AARS2: variants seen among roughly 807,000 people sequenced by gnomAD.
AARS2 encodes alanine--tRNA ligase, mitochondrial.
Under a neutral mutation model 119.7 loss-of-function variants are expected in AARS2, and 78 were observed. The observed-to-expected ratio is 0.65, with a 90% CI of 0.54 to 0.79. The LOEUF is 0.79. Ranked by LOEUF, AARS2 falls within the 30% of genes least tolerant of loss-of-function variation. The probability of loss-of-function intolerance (pLI) is 0.00; values close to 1 mark genes in which losing one functional copy is unlikely to be tolerated. For synonymous variants in AARS2, 502 were observed against 526.3 expected, an observed-to-expected ratio of 0.95 and a Z score of 0.63; for missense variants, 1,157 against 1,291.3, an observed-to-expected ratio of 0.90 and a Z score of 1.59.
In AARS2 at chr6:44,311,392, T is replaced by G; in HGVS notation, c.579A>C (p.Leu193Phe). 1 of 1,614,130 alleles carries G rather than the reference T, an allele frequency of 6.2e-7. No homozygotes were observed. The highest frequency in any genetic ancestry group is 1.1e-5 in the South Asian group (1 of 91,080). The change falls in exon 3 of 22, where the codon TTA (leucine) becomes TTC (phenylalanine). Residue 193 changes from leucine (L) to phenylalanine (F), a missense_variant and splice_region_variant. Coordinates refer to ENST00000244571, the MANE Select transcript of AARS2 (RefSeq NM_020745.4). ...ACATAAGAAGGGGGCTGACTTACCC[T>G]AAGCTCAGCCAGATGTCCCTGGTCT... is the stretch of plus-strand genomic sequence containing the variant. ...DLETRDIWLS[L>F]GVPASRVLSF...
intron 2 of AARS2, 23 bp from the exon 3 acceptor site, chr6:44,311,558 G>T (rs1561943551): frequency 6.2e-7 from 1 of 1,608,812 alleles, no homozygotes; most frequent in Non-Finnish European, 8.5e-7. Flanking sequence ...CCAGCATGGG[G>T]TGGGGGGGGA....
intron 5 of AARS2, among the ~76,000 whole-genome samples, chr6:44,309,579 C>T (rs1270534623): frequency 6.6e-6 from 1 of 152,194 alleles, no homozygotes; most frequent in Non-Finnish European, 1.5e-5. Context: ...ATAAGCTACA[C>T]ACATGTGGAA....
In AARS2 at chr6:44,305,598, G is replaced by C; in HGVS notation, c.1434+55C>G. 1 of 1,610,750 alleles carries C rather than the reference G, an allele frequency of 6.2e-7. No homozygotes were observed. The highest frequency in any genetic ancestry group is 8.5e-7 in the Non-Finnish European group (1 of 1,178,454). ...TCACAGCTCCTCCCCCAGGAGCTCAGGGCTGGGGAAGAGGTGTCCTAACAG... is the reference window on the plus strand; with the variant it reads ...TCACAGCTCCTCCCCCAGGAGCTCACGGCTGGGGAAGAGGTGTCCTAACAG... On this transcript the variant is annotated intron_variant, in intron 10 of 21. Coordinates refer to ENST00000244571, the MANE Select transcript of AARS2 (RefSeq NM_020745.4). The surrounding 1 kb of genome is among the most constrained non-coding windows in gnomAD (Gnocchi z 4.6).
intron 4 of AARS2, 116 bp from the exon 5 acceptor site, chr6:44,310,559 CCAGA>C: frequency 2.2e-6 from 3 of 1,368,198 alleles, no homozygotes; most frequent in Non-Finnish European, 3.0e-6. Context: ...GTGGGAGGAA[CCAGA>C]CAATCAGTAT....
At position 44,302,047 on chromosome 6, in the gene AARS2, A is replaced by T; in HGVS notation, c.2598+13T>A. ...GTCTCTGGGCACATGGGTGCAGCCA[A>T]ACCTCCTCTCACCTGTCCCATTTGC... is the stretch of plus-strand genomic sequence containing the variant. On this transcript the variant is annotated intron_variant, in intron 19 of 21. Coordinates refer to ENST00000244571, the MANE Select transcript of AARS2 (RefSeq NM_020745.4). 1 of 1,613,526 alleles carries T rather than the reference A, an allele frequency of 6.2e-7. No individual in the cohort carries two copies.
chr6:44,303,553 G>A, intron 14 of AARS2, 130 bp from the exon 15 acceptor site: 1 of 1,375,246 alleles, frequency 7.3e-7, no homozygotes, highest in Non-Finnish European at 1.0e-6. Context: ...GCACATAATA[G>A]GTGCTCAATA....
intron 19 of AARS2, 141 bp from the exon 20 acceptor site, chr6:44,301,605 G>A (rs1474663376): frequency 3.6e-6 from 3 of 822,674 alleles, no homozygotes; most frequent in South Asian, 2.9e-5. Flanking sequence ...AGGCAGAGGT[G>A]GCAGGGACTC....
At chr6:44,301,052 A>T in intron 21 of AARS2, 104 bp downstream of exon 21, 1 of 1,058,246 alleles carries the variant, frequency 9.4e-7, no homozygotes, top group Non-Finnish European at 1.4e-6. Context: ...AGATACTTCC[A>T]CCCAGCCTTG....
chr6:44,308,115 C>T (rs1330777634), intron 5 of AARS2, among the ~76,000 whole-genome samples: 1 of 152,232 alleles, frequency 6.6e-6, no homozygotes, highest in Non-Finnish European at 1.5e-5. Context: ...TCTACTTCCA[C>T]TGCTATTATC....
chr6:44,301,221 T>G lies in AARS2; in HGVS notation c.2728A>C (p.Thr910Pro). The change falls in exon 21 of 22, where the codon ACG becomes CCG. Residue 910 changes from threonine (T) to proline (P), a missense_variant. By Grantham distance (38) the Thr-to-Pro change is conservative (BLOSUM62 -1). Transcript: ENST00000244571. ...TGGGGGCTGAGTAGGAGCACAGACG[T>G]GCTGGGGGCCTGCTCACACAGCTGC... is the stretch of plus-strand genomic sequence containing the variant. The part of the protein sequence containing the change: ...VRQLCEQAPS[T>P]SVLLLSPQPM... 2 of 1,613,648 alleles carry G rather than the reference T, an allele frequency of 1.2e-6. No individual in the cohort carries two copies. Among genetic ancestry groups the G allele is most frequent in the Admixed American group, 1.7e-5 (1 of 59,956 alleles).
chr6:44,306,210 A>G, intron 9 of AARS2, 70 bp downstream of exon 9: 1 of 1,451,766 alleles, frequency 6.9e-7, no homozygotes, highest in Non-Finnish European at 9.7e-7. Context: ...GCTGGCCCAG[A>G]GCTCCCTCCT....
At position 44,303,170 on chromosome 6, in the gene AARS2, G is replaced by T. The variant is rs1286802666; in HGVS notation, c.2151C>A (p.Tyr717Ter). ...CTGATACCACCCGCACAGGGTCTGGGTAAACCTGAGGTCAAGAGGGGACAG... is the reference window on the plus strand; with the variant it reads ...CTGATACCACCCGCACAGGGTCTGGTTAAACCTGAGGTCAAGAGGGGACAG... Reference protein sequence around the residue: ...VPGLRSLDEVYPDPVRVVSVG... With the variant: ...VPGLRSLDEV Residue 717 changes from tyrosine to a stop codon, truncating the protein, a stop_gained, in exon 16 of 22, where the codon TAC (tyrosine) becomes TAA (stop). Coordinates refer to ENST00000244571, the MANE Select transcript of AARS2 (RefSeq NM_020745.4). LOFTEE classifies it high-confidence loss of function. 1 of 1,614,184 alleles carries T rather than the reference G, an allele frequency of 6.2e-7. No individual in the cohort carries two copies. Among genetic ancestry groups the T allele is most frequent in the African/African-American group, 1.3e-5 (1 of 75,064 alleles).
chr6:44,303,339 C>G lies in AARS2; in HGVS notation c.2092G>C (p.Glu698Gln). 6.2e-7 allele frequency: 1 copy of G among 1,614,064 alleles called. No homozygotes were observed. The highest frequency in any genetic ancestry group is 8.5e-7 in the Non-Finnish European group (1 of 1,180,032). The change falls in exon 15 of 22, where the codon GAG (glutamate) becomes CAG (glutamine). Residue 698 changes from glutamate (E) to glutamine (Q), a missense_variant. Glu to Gln is a conservative substitution (Grantham distance 29). Coordinates refer to ENST00000244571, the MANE Select transcript of AARS2 (RefSeq NM_020745.4). ...VGQDEAVYME[E>Q]VPLALTAQVP... The stretch of plus-strand genomic sequence containing the variant: ...TGGGCAGTGAGCGCCAGGGGCACCT[C>G]CTCCATGTACACAGCCTCATCCTGC...
At position 44,304,630 on chromosome 6, in the gene AARS2, G is replaced by A; in HGVS notation, c.1752+15C>T. 6.2e-7 allele frequency: 1 copy of A among 1,614,222 alleles called. No homozygotes were observed. Among genetic ancestry groups the A allele is most frequent in the Non-Finnish European group, 8.5e-7 (1 of 1,180,038 alleles). On this transcript the variant is annotated intron_variant, in intron 12 of 21. Transcript: ENST00000244571. The stretch of plus-strand genomic sequence containing the variant: ...CCGCCCACAGAAATCAGCCTGGGTT[G>A]TGATGGAGACTCACCTCTTGCCCTG...
In AARS2 at chr6:44,302,813, G is replaced by C. The variant is rs863223859; in HGVS notation, c.2353C>G (p.Gln785Glu). 2.5e-6 allele frequency: 4 copies of C among 1,613,494 alleles called. No homozygotes were observed. The Admixed American group carries it at 6.7e-5, about 27-fold the overall frequency. Residue 785 changes from glutamine (Q) to glutamate (E), a missense_variant, in exon 17 of 22, where the codon CAG (glutamine) becomes GAG (glutamate). By Grantham distance (29) the Gln-to-Glu change is conservative. Transcript: ENST00000244571. Reference sequence around the variant, plus strand: ...ACTGGCATGCTGACCTGCTGGGCCTGCTCCCCAGTGACGGCCAGCAGGCGG... The same window carrying C: ...ACTGGCATGCTGACCTGCTGGGCCTCCTCCCCAGTGACGGCCAGCAGGCGG... ...TTRLLAVTGE[Q>E]AQQARELGQS...
Position 44,313,192 on chromosome 6 carries a change from G to A in AARS2, c.132C>T (p.Ala44=), listed in dbSNP as rs756852994. ...PPAAKASAVR[A]AFLNFFRDRH... is the part of the protein sequence containing the mutation. Reference sequence around the variant, plus strand: ...GGTCCCGAAAGAAGTTCAGAAAGGCGGCCCTCACGGCCGAGGCCTTGGCTG... The same window carrying A: ...GGTCCCGAAAGAAGTTCAGAAAGGCAGCCCTCACGGCCGAGGCCTTGGCTG... The change falls in exon 1 of 22, where the codon GCC becomes GCT. Residue 44 remains alanine (A), a synonymous_variant. Transcript: ENST00000244571. 2.5e-5 allele frequency: 41 copies of A among 1,610,856 alleles called. No homozygotes were observed. The highest frequency in any genetic ancestry group is 3.3e-5 in the Non-Finnish European group (39 of 1,179,206).
rs374173311 is a variant in AARS2 at position 44,305,064 on chromosome 6, G to A, written c.1569C>T (p.Ser523=). ...GGTCCAGGCTCTCACCATAACTTCC[G>A]CTGGGTCGCAGGGAGTAGTTGTACT... ...SPKYNYSLRP[S]GSYEFGTCEA... The change falls in exon 11 of 22, where the codon AGC becomes AGT. Residue 523 remains serine (S), a synonymous_variant. Transcript: ENST00000244571. This position sits in a 1 kb window ranked among gnomAD's most constrained non-coding sequence, Gnocchi z 4.6. 363 of 1,614,052 alleles carry A rather than the reference G, an allele frequency of 2.2e-4. 6 individuals carry two copies. In the South Asian group the frequency reaches 2.9e-3, roughly 13 times the overall value.
chr6:44,313,012 A>G, intron 1 of AARS2, 69 bp downstream of exon 1: 1 of 1,600,970 alleles, frequency 6.2e-7, no homozygotes, highest in Non-Finnish European at 8.5e-7. Flanking sequence ...CTTTTGCCCA[A>G]TCCTGCAGCG....
Position 44,307,063 on chromosome 6 carries a change from C to G in AARS2, c.1041-32G>C, listed in dbSNP as rs1362716686. ...GGGTTCAGAGCCCAGACATGAATCCCCAGCGGCTCATGGTCAGCAATATGG... is the reference window on the plus strand; with the variant it reads ...GGGTTCAGAGCCCAGACATGAATCCGCAGCGGCTCATGGTCAGCAATATGG... On this transcript the variant is annotated intron_variant, in intron 6 of 21. Coordinates refer to ENST00000244571, the MANE Select transcript of AARS2 (RefSeq NM_020745.4). The surrounding 1 kb of genome is among the most constrained non-coding windows in gnomAD (Gnocchi z 4.4). 3.7e-6 allele frequency: 6 copies of G among 1,611,838 alleles called. No individual in the cohort carries two copies. Among genetic ancestry groups the G allele is most frequent in the Non-Finnish European group, 5.1e-6 (6 of 1,178,154 alleles).
Sources: allele counts gnomAD v4.1 joint callset (sites outside exome capture counted in the v4.1 genomes callset), GRCh38; gene constraint gnomAD v4.1.1; non-coding constraint Gnocchi (gnomAD v3.1); transcripts MANE v1.5; gene names NCBI Gene and HGNC (gene_info 2026-07-23, HGNC 2026-07-21).